The following FBXO9 variants were observed in gnomAD, a reference collection of about 807,000 sequenced individuals.
FBXO9 encodes F-box only protein 9.
Under a neutral mutation model 63.7 loss-of-function variants are expected in FBXO9, and 43 were observed. The ratio of observed to expected loss-of-function variants is 0.67; its 90% CI spans 0.53 to 0.87. The LOEUF (loss-of-function observed/expected upper bound fraction) is 0.87. Among genes scored for constraint, FBXO9 ranks in the 40% least tolerant of loss-of-function variants. The pLI, the probability that FBXO9 is intolerant of heterozygous loss-of-function variation, is 0.00. For missense variants in FBXO9, 442 were observed against 533.2 expected (o/e 0.83, Z 1.68); for synonymous variants, 156 against 171.7 (o/e 0.91, Z 0.72).
chr6:53,065,424 G>C lies in FBXO9; in HGVS notation c.-366G>C, dbSNP rs1041860013. ...TGCGCATGCTCGGCGCGTCGGCGCA[G>C]GTTTCCGCAGCTGAGGGGGCAGCTC... On this transcript the variant is annotated 5_prime_UTR_variant, in exon 1 of 13. Transcript: ENST00000323557. 4.8e-5 allele frequency: 11 copies of C among 231,080 alleles called. No individual in the cohort carries two copies. Among genetic ancestry groups the C allele is most frequent in the Non-Finnish European group, 8.4e-5 (10 of 119,572 alleles). 14.3% of individuals were successfully genotyped at this position (231,080 alleles called of 1,614,324 possible). A position where few individuals can be genotyped will look rare whatever the true frequency, so the allele number is the denominator to read the frequency against.
chr6:53,079,670 G>C (rs1581816348), intron 5 of FBXO9, among the ~76,000 whole-genome samples: 1 of 152,132 alleles, frequency 6.6e-6, no homozygotes, highest in South Asian at 2.1e-4. Flanking sequence ...ACCCATGAGA[G>C]AATGTCAGGT....
chr6:53,083,983 G>T (rs1409002425), intron 7 of FBXO9, among the ~76,000 whole-genome samples: 1 of 152,214 alleles, frequency 6.6e-6, no homozygotes, highest in Admixed American at 6.5e-5. Flanking sequence ...GGCAAGAAGG[G>T]ACGTCTGAAG....
In FBXO9 at chr6:53,093,744, T is replaced by C. The variant is rs537115965; in HGVS notation, c.960-141T>C. 206 of 850,188 alleles carry C rather than the reference T, an allele frequency of 2.4e-4. 1 individual carries two copies. The highest frequency in any genetic ancestry group is 2.7e-4 in the Non-Finnish European group (148 of 554,752). 52.7% of individuals were successfully genotyped at this position (850,188 alleles called of 1,614,324 possible). A position where few individuals can be genotyped will look rare whatever the true frequency, so the allele number is the denominator to read the frequency against. On this transcript the variant is annotated intron_variant, in intron 10 of 12. Coordinates refer to ENST00000323557, the MANE Select transcript of FBXO9 (RefSeq NM_033480.3). ...TAGAAAATCTACTTCAGCAGGTCTT[T>C]GGAGCCTTGGAATTGAGTTTTACTC...
chr6:53,072,380 A>G (rs972135352), intron 2 of FBXO9, among the ~76,000 whole-genome samples: 5 of 152,184 alleles, frequency 3.3e-5, no homozygotes, highest in Non-Finnish European at 7.4e-5. Context: ...ATCAACACCT[A>G]TGGAAGGGAG....
intron 7 of FBXO9, among the ~76,000 whole-genome samples, chr6:53,084,671 A>C (rs9382175): frequency 0.72 from 110,118 of 152,130 alleles, 41,097 homozygotes; most frequent in South Asian, 0.87. Flanking sequence ...CTTTACGAAC[A>C]GAAGCTTTTG....
Position 53,097,868 on chromosome 6 carries a change from T to A in FBXO9, c.*38T>A. On this transcript the variant is annotated 3_prime_UTR_variant, in exon 13 of 13. Transcript: ENST00000323557. ...AGTCCTCTATCACTTTTGCATGAATTAAAGTATATAGCGCAAAAGAGCACC... is the reference window on the plus strand; with the variant it reads ...AGTCCTCTATCACTTTTGCATGAATAAAAGTATATAGCGCAAAAGAGCACC... The A allele has an allele frequency of 7.7e-7, 1 of 1,301,618 alleles. No individual in the cohort carries two copies. The highest frequency in any genetic ancestry group is 1.1e-6 in the Non-Finnish European group (1 of 938,480). The allele number at this position is 1,301,618 out of a possible 1,614,324, so 80.6% of individuals were successfully genotyped here.
Position 53,080,958 on chromosome 6 carries a change from C to CT in FBXO9, c.408-4dup, listed in dbSNP as rs575322620. 410 of 1,613,178 alleles carry CT rather than the reference C, an allele frequency of 2.5e-4. 1 individual carries two copies. Among genetic ancestry groups the CT allele is most frequent in the Non-Finnish European group, 1.1e-4 (126 of 1,179,704 alleles). On this transcript the variant is annotated splice_polypyrimidine_tract_variant and intron_variant, in intron 5 of 12. Transcript: ENST00000323557. ...TGAGGCACTTAATTTATTCACCTCC[C>CT]TTTTTTCAGCATTGAAGATAATGAT... is the stretch of plus-strand genomic sequence containing the variant.
At position 53,076,511 on chromosome 6, in the gene FBXO9, T is replaced by C. The variant is rs773927948; in HGVS notation, c.275T>C (p.Val92Ala). The C allele has an allele frequency of 6.5e-7, 1 of 1,546,510 alleles. No individual in the cohort carries two copies. Among genetic ancestry groups the C allele is most frequent in the East Asian group, 2.4e-5 (1 of 41,372 alleles). The change falls in exon 4 of 13, where the codon GTA becomes GCA. Residue 92 changes from valine to alanine, a missense_variant. Physicochemically the swap from Val to Ala is moderately conservative, Grantham distance 64. Transcript: ENST00000323557. ...GCTCGAGAACTCTTCCTAAAAGCAG[T>C]AGAAGAAGAACAAAATGGAGCTCTC... ...EKARELFLKAVEEEQNGALYE... is the reference protein window; with the variant it reads ...EKARELFLKAAEEEQNGALYE...
chr6:53,083,289 G>A (rs1028313961), intron 7 of FBXO9, among the ~76,000 whole-genome samples: 10 of 152,100 alleles, frequency 6.6e-5, no homozygotes, highest in Non-Finnish European at 4.4e-5. Context: ...TAAAATATTT[G>A]AATTTCTTGA....
Position 53,093,735 on chromosome 6 carries a change from G to T in FBXO9, c.960-150G>T, listed in dbSNP as rs192636241. The T allele has an allele frequency of 4.9e-5, 40 of 817,160 alleles. No homozygotes were observed. In the East Asian group the frequency reaches 1.0e-3, roughly 21 times the overall value. 50.6% of individuals were successfully genotyped at this position (817,160 alleles called of 1,614,324 possible). On this transcript the variant is annotated intron_variant, in intron 10 of 12. Transcript: ENST00000323557. ...GCTTTTCCTTAGAAAATCTACTTCA[G>T]CAGGTCTTTGGAGCCTTGGAATTGA...
In FBXO9 at chr6:53,093,428, G is replaced by T. The variant is rs369740577; in HGVS notation, c.864-38G>T. On this transcript the variant is annotated intron_variant, in intron 9 of 12. Coordinates refer to ENST00000323557, the MANE Select transcript of FBXO9 (RefSeq NM_033480.3). ...TAAGGACATATTTTATACTTTGTGTGGGGGGTGTGTTTTGGTCTTCCTTTT... is the reference window on the plus strand; with the variant it reads ...TAAGGACATATTTTATACTTTGTGTTGGGGGTGTGTTTTGGTCTTCCTTTT... 30 of 1,381,984 alleles carry T rather than the reference G, an allele frequency of 2.2e-5. No individual in the cohort carries two copies. The East Asian group carries it at 3.2e-4, about 15-fold the overall frequency. The allele number at this position is 1,381,984 out of a possible 1,614,324, so 85.6% of individuals were successfully genotyped here.
intron 1 of FBXO9, chr6:53,070,854 A>G: frequency 4.1e-6 from 3 of 734,800 alleles, no homozygotes; most frequent in Non-Finnish European, 6.3e-6. Flanking sequence ...GTTGGAGTAG[A>G]GAATATGCTT....
intron 7 of FBXO9, among the ~76,000 whole-genome samples, chr6:53,084,480 G>A (rs1193120638): frequency 6.6e-6 from 1 of 152,190 alleles, no homozygotes; most frequent in Non-Finnish European, 1.5e-5. Context: ...CATTAAGTGG[G>A]GGTAAAAGTC....
chr6:53,094,726 T>C, intron 11 of FBXO9: 1 of 438,480 alleles, frequency 2.3e-6, no homozygotes, highest in Non-Finnish European at 4.6e-6. Context: ...TCCTATCACC[T>C]TGTGGCCACC....
chr6:53,088,037 T>A (rs1759943150), intron 7 of FBXO9, among the ~76,000 whole-genome samples: 1 of 152,208 alleles, frequency 6.6e-6, no homozygotes, highest in Non-Finnish European at 1.5e-5. Context: ...AGGACAAAAA[T>A]CTACCATACA....
intron 8 of FBXO9, 67 bp downstream of exon 8, chr6:53,092,614 G>C (rs531932784): frequency 6.8e-7 from 1 of 1,480,436 alleles, no homozygotes; most frequent in East Asian, 2.3e-5. Flanking sequence ...TAAATACGCC[G>C]TTTAAATTTT....
At position 53,078,875 on chromosome 6, in the gene FBXO9, T is replaced by G; in HGVS notation, c.384T>G (p.Asp128Glu). Residue 128 changes from aspartate to glutamate, a missense_variant, in exon 5 of 13, where the codon GAT becomes GAG. Physicochemically the swap from Asp to Glu is conservative, Grantham distance 45 (BLOSUM62 2). This residue lies in a region of FBXO9 where 180 missense variants were observed against 171.1 expected (regional missense o/e 1.05). Transcript: ENST00000323557. Reference protein sequence around the residue: ...EFKITYTRSPDGDGVGNSYIE... With the variant: ...EFKITYTRSPEGDGVGNSYIE... ...AGATTACTTATACCCGGTCTCCAGA[T>G]GGTGATGGCGTTGGAAACAGCTAGT... 6.2e-7 allele frequency: 1 copy of G among 1,613,784 alleles called. No homozygotes were observed. Among genetic ancestry groups the G allele is most frequent in the Non-Finnish European group, 8.5e-7 (1 of 1,179,680 alleles).
At chr6:53,080,557 AC>A (rs1769274821) in intron 5 of FBXO9, among the ~76,000 whole-genome samples, 2 of 137,586 alleles carry the variant, frequency 1.5e-5, no homozygotes, top group East Asian at 4.2e-4. Flanking sequence ...CTGTTAGAAA[AC>A]CCTTGGTAAG....
At chr6:53,065,153 C>G (rs1768637013), upstream of FBXO9, 1 of 152,296 alleles carries the variant, frequency 6.6e-6, no homozygotes, top group African/African-American at 2.4e-5. Context: ...CGATGCTTCT[C>G]AGGGCGGCTT....
Sources: allele counts gnomAD v4.1 joint callset (sites outside exome capture counted in the v4.1 genomes callset), GRCh38; gene constraint gnomAD v4.1.1; regional missense constraint gnomAD v4.1.1; transcripts MANE v1.5; gene names NCBI Gene and HGNC (gene_info 2026-07-23, HGNC 2026-07-21).